Variants in CENATAC observed in about 807,000 individuals in gnomAD.
The protein encoded by CENATAC is coiled-coil domain containing 84.
In CENATAC, 53 loss-of-function variants were observed where a neutral mutation model predicts 53.7. That is an observed-to-expected ratio of 0.99 (90% confidence interval 0.79 to 1.24). The LOEUF is 1.24. Ranked by LOEUF, CENATAC falls within the 50% of genes most tolerant of loss-of-function variation. The pLI, the probability that CENATAC is intolerant of heterozygous loss-of-function variation, is 0.00. For synonymous variants in CENATAC, 156 were observed against 144.6 expected (o/e 1.08, Z -0.57); for missense variants, 474 against 417.8 (o/e 1.13, Z -1.17).
At position 118,998,555 on chromosome 11, in the gene CENATAC, G is replaced by T; in HGVS notation, c.246G>T (p.Leu82=). 1 of 1,587,326 alleles carries T rather than the reference G, an allele frequency of 6.3e-7. No individual in the cohort carries two copies. The highest frequency in any genetic ancestry group is 1.8e-5 in the Admixed American group (1 of 55,598). The change falls in exon 2 of 11, where the codon CTG becomes CTT. Residue 82 remains leucine (L), a synonymous_variant. Transcript: ENST00000334418. ...EVREHLSHGN[L]TVLYGGLLEH... ...GGGAACACCTGAGCCATGGAAACCTGACGGTGCTGTACGGGGGGCTGCTGG... is the reference window on the plus strand; with the variant it reads ...GGGAACACCTGAGCCATGGAAACCTTACGGTGCTGTACGGGGGGCTGCTGG...
At chr11:119,006,077 T>G (rs1241245190) in intron 3 of CENATAC, 126 of 103,496 alleles carry the variant, frequency 1.2e-3, no homozygotes, top group African/African-American at 5.2e-3. Context: ...TAGGCAGGAT[T>G]TTTTTTTTTT....
In CENATAC at chr11:118,998,543, C is replaced by G; in HGVS notation, c.234C>G (p.Ser78Arg). The G allele has an allele frequency of 2.5e-6, 4 of 1,596,452 alleles. No homozygotes were observed. Among genetic ancestry groups the G allele is most frequent in the Non-Finnish European group, 3.4e-6 (4 of 1,171,334 alleles). Residue 78 changes from serine to arginine, a missense_variant, in exon 2 of 11, where the codon AGC (serine) becomes AGG (arginine). Transcript: ENST00000334418. The stretch of plus-strand genomic sequence containing the variant: ...GCTGTGAGGTGCGGGAACACCTGAG[C>G]CATGGAAACCTGACGGTGCTGTACG... ...CCGCEVREHL[S>R]HGNLTVLYGG...
Position 119,011,617 on chromosome 11 carries a change from G to A in CENATAC, c.514-322G>A, listed in dbSNP as rs113925035. ...TGGTCTTGAACTCCTGACCTCAGGT[G>A]ATCCACCCGCCTCAGCCTGCTGGAA... On this transcript the variant is annotated intron_variant, in intron 5 of 10. Transcript: ENST00000334418. Among the ~76,000 whole-genome samples the A allele has an allele frequency of 8.8e-3, 1,347 of 152,242 alleles. 23 individuals carry two copies. The highest frequency in any genetic ancestry group is 0.03 in the African/African-American group (1,266 of 41,544).
At chr11:119,013,109 A>G in intron 7 of CENATAC, 123 bp from the exon 8 acceptor site, 1 of 686,098 alleles carries the variant, frequency 1.5e-6, no homozygotes, top group Non-Finnish European at 2.5e-6. Context: ...GTGCAGAATT[A>G]GCATTGTGGC....
At chr11:119,014,653 A>G (rs959791117) in intron 8 of CENATAC, 6 of 173,830 alleles carry the variant, frequency 3.5e-5, no homozygotes, top group African/African-American at 1.4e-4. Flanking sequence ...AGCAACTGAA[A>G]GATCACCGAT....
At chr11:119,010,681 A>C in intron 3 of CENATAC, 83 bp from the exon 4 acceptor site, 1 of 1,254,654 alleles carries the variant, frequency 8.0e-7, no homozygotes, top group Non-Finnish European at 1.1e-6. Context: ...ATTTCTCAAA[A>C]TTAAAAAAAT....
intron 3 of CENATAC, among the ~76,000 whole-genome samples, chr11:119,000,848 G>T (rs921064807): frequency 7.9e-5 from 12 of 151,906 alleles, no homozygotes; most frequent in Non-Finnish European, 1.5e-4. Context: ...CAAGCAATCC[G>T]CCTGCCTCAG....
Position 119,015,666 on chromosome 11 carries a change from A to C in CENATAC, c.*68A>C, listed in dbSNP as rs533907143. The C allele has an allele frequency of 4.0e-5, 59 of 1,487,740 alleles. No homozygotes were observed. The East Asian group carries it at 1.3e-3, about 34-fold the overall frequency. The allele number at this position is 1,487,740 out of a possible 1,614,324, so 92.2% of individuals were successfully genotyped here. On this transcript the variant is annotated 3_prime_UTR_variant, in exon 11 of 11. Coordinates refer to ENST00000334418, the MANE Select transcript of CENATAC (RefSeq NM_198489.3). ...ACAAACCCCTATTATACCTTCCACCAAATTCTTTATCATTGTCTTTCTTAG... is the reference window on the plus strand; with the variant it reads ...ACAAACCCCTATTATACCTTCCACCCAATTCTTTATCATTGTCTTTCTTAG...
In CENATAC at chr11:119,015,077, A is replaced by T. The variant is rs899354415; in HGVS notation, c.799A>T (p.Lys267Ter). 1 of 1,604,980 alleles carries T rather than the reference A, an allele frequency of 6.2e-7. No homozygotes were observed. ...EIGPSYEEFL[K>*]EKEKQKLKKL... ...AGGACCATCCTATGAAGAATTTCTT[A>T]AAGAAAGTAAGTAAACTAATTCAAG... The change falls in exon 9 of 11, where the codon AAA becomes TAA. Residue 267 changes from lysine (K) to a stop codon, truncating the protein, a stop_gained. Transcript: ENST00000334418. LOFTEE classifies it high-confidence loss of function.
intron 8 of CENATAC, 75 bp downstream of exon 8, chr11:119,013,337 C>T (rs1942967929): frequency 8.2e-7 from 1 of 1,212,990 alleles, no homozygotes; most frequent in Admixed American, 2.1e-5. Flanking sequence ...TGTTCTGTCG[C>T]CAGGCTGGAG....
chr11:119,011,423 G>A, intron 5 of CENATAC, 140 bp downstream of exon 5: 1 of 717,550 alleles, frequency 1.4e-6, no homozygotes, highest in Non-Finnish European at 2.3e-6. Flanking sequence ...ACCCAGGCTG[G>A]AGTGCAGTGG....
In CENATAC at chr11:118,998,454, C is replaced by T; in HGVS notation, c.145C>T (p.Arg49Cys). 1.9e-6 allele frequency: 3 copies of T among 1,612,658 alleles called. No homozygotes were observed. The highest frequency in any genetic ancestry group is 1.7e-6 in the Non-Finnish European group (2 of 1,179,826). The part of the protein sequence containing the change: ...PQVEAARKAI[R>C]AAQVERYVPE... Reference sequence around the variant, plus strand: ...GGTGGAGGCGGCCCGCAAGGCCATCCGCGCCGCTCAGGTGGAGCGCTATGT... The same window carrying T: ...GGTGGAGGCGGCCCGCAAGGCCATCTGCGCCGCTCAGGTGGAGCGCTATGT... Residue 49 changes from arginine (R) to cysteine (C), a missense_variant, in exon 2 of 11, where the codon CGC (arginine) becomes TGC (cysteine). Arg to Cys is a radical substitution (Grantham distance 180, BLOSUM62 -3). Coordinates refer to ENST00000334418, the MANE Select transcript of CENATAC (RefSeq NM_198489.3).
intron 3 of CENATAC, chr11:119,010,560 A>G: frequency 1.9e-6 from 1 of 534,450 alleles, no homozygotes. Flanking sequence ...TTTGGCAAAA[A>G]GGACGTGTGT....
chr11:119,013,094 C>A, intron 7 of CENATAC, 138 bp from the exon 8 acceptor site: 1 of 635,482 alleles, frequency 1.6e-6, no homozygotes, highest in Non-Finnish European at 2.8e-6. Context: ...TTAACATCAG[C>A]TGGGGTGCAG....
At chr11:119,003,250 G>A (rs1334597900) in intron 3 of CENATAC, 1 of 531,768 alleles carries the variant, frequency 1.9e-6, no homozygotes, top group African/African-American at 1.9e-5. Flanking sequence ...GGTCAAGCTT[G>A]TTTCTCCTGG....
intron 3 of CENATAC, among the ~76,000 whole-genome samples, chr11:119,002,224 CAAAAA>C (rs782664366): frequency 6.1e-5 from 3 of 49,556 alleles, no homozygotes; most frequent in African/African-American, 2.2e-4. Flanking sequence ...AACTCTGTCT[CAAAAA>C]AAAAAAAAAA....
chr11:119,013,762 C>CTTTTT (rs561450474), intron 8 of CENATAC, among the ~76,000 whole-genome samples: 127 of 141,070 alleles, frequency 9.0e-4, no homozygotes, highest in African/African-American at 3.0e-3. Flanking sequence ...CGTGCCCGGA[C>CTTTTT]TTTTTTTTTT....
chr11:119,005,132 A>T (rs1352373156), intron 3 of CENATAC, among the ~76,000 whole-genome samples: 1 of 152,056 alleles, frequency 6.6e-6, no homozygotes, highest in Non-Finnish European at 1.5e-5. Flanking sequence ...AACACGGAGG[A>T]GTCTGCTAAA....
chr11:118,998,699 G>T, intron 2 of CENATAC, 106 bp downstream of exon 2: 1 of 1,365,530 alleles, frequency 7.3e-7, no homozygotes, highest in Non-Finnish European at 9.9e-7. Flanking sequence ...GATCAAGAAG[G>T]ATGGATTGAG....
Sources: gnomAD v4.1 joint callset for allele counts (sites outside exome capture counted in the v4.1 genomes callset) on GRCh38, gnomAD v4.1.1 for gene constraint, MANE v1.5 for transcripts, NCBI Gene and HGNC (gene_info 2026-07-23, HGNC 2026-07-21) for gene names.